NECAB2: variants seen among roughly 807,000 people sequenced by gnomAD.
NECAB2 encodes N-terminal EF-hand calcium binding protein 2.
In NECAB2, 68 loss-of-function variants were observed where a neutral mutation model predicts 51.9. The ratio of observed to expected loss-of-function variants is 1.31; its 90% CI spans 1.08 to 1.60. NECAB2 has a LOEUF of 1.60. NECAB2 is among the 40% of genes most tolerant of loss of function. The pLI is 0.00. For synonymous variants in NECAB2, 329 were observed against 203.5 expected (o/e 1.62, Z -5.25); for missense variants, 854 against 490.3 (o/e 1.74, Z -7.00).
At position 84,001,741 on chromosome 16, in the gene NECAB2, G is replaced by C. The variant is rs1489857332; in HGVS notation, c.1041-84G>C. 2.8e-6 allele frequency: 4 copies of C among 1,435,554 alleles called. No individual in the cohort carries two copies. In the African/African-American group the frequency reaches 5.8e-5, roughly 21 times the overall value. 88.9% of individuals were successfully genotyped at this position (1,435,554 alleles called of 1,614,324 possible). On this transcript the variant is annotated intron_variant, in intron 11 of 12. Coordinates refer to ENST00000305202, the MANE Select transcript of NECAB2 (RefSeq NM_019065.3). ...TGCTTATTGATAAGCTCCCCATTTT[G>C]GGCTAGAGCTAGGATTAACAGGGGA...
rs534290310 is a variant in NECAB2, at chr16:83,993,482, CTG to C, written c.597-814_597-813del. On this transcript the variant is annotated intron_variant, in intron 6 of 12. Transcript: ENST00000305202. ...GTGTTGGGGCCGTGCACAGGGCACT[CTG>C]TGTGTCTTCTGGGGGAGTGTCTGTG... The C allele has an allele frequency of 5.6e-4, 87 of 154,300 alleles. 3 individuals carry two copies. In the South Asian group the frequency reaches 0.015, roughly 27 times the overall value. 9.6% of individuals were successfully genotyped at this position (154,300 alleles called of 1,614,324 possible).
chr16:83,981,181 C>T, intron 5 of NECAB2, 54 bp downstream of exon 5: 1 of 1,331,352 alleles, frequency 7.5e-7, no homozygotes, highest in Non-Finnish European at 1.0e-6. Context: ...TGCTTCAGTT[C>T]CACCCTTGCC....
chr16:83,969,978 C>G (rs543599343), intron 1 of NECAB2, among the ~76,000 whole-genome samples: 5 of 152,172 alleles, frequency 3.3e-5, no homozygotes, highest in African/African-American at 9.7e-5. Flanking sequence ...GTGCCACACT[C>G]GCAGGCACAC....
intron 8 of NECAB2, among the ~76,000 whole-genome samples, chr16:83,995,818 T>C (rs2084690233): frequency 6.6e-6 from 1 of 152,186 alleles, no homozygotes; most frequent in Admixed American, 6.5e-5. Context: ...GGGATGAGGC[T>C]GAGGTGGAGT....
At chr16:84,000,652 C>T (rs1489551715) in intron 10 of NECAB2, 72 bp from the exon 11 acceptor site, 69 of 1,393,212 alleles carry the variant, frequency 5.0e-5, no homozygotes, top group Non-Finnish European at 6.6e-5. Flanking sequence ...TCTCAGGCCA[C>T]CCCAGGGGAA....
chr16:83,986,059 C>T (rs1419815044), intron 5 of NECAB2, among the ~76,000 whole-genome samples: 3 of 152,098 alleles, frequency 2.0e-5, no homozygotes, highest in Non-Finnish European at 4.4e-5. Context: ...TTTCGTTGCC[C>T]AGGCCAGAGT....
At position 83,995,688 on chromosome 16, in the gene NECAB2, T is replaced by C. The variant is rs2084688100; in HGVS notation, c.795+1000T>C. Among the ~76,000 whole-genome samples, 3 of 152,110 alleles carry C rather than the reference T, an allele frequency of 2.0e-5. No individual in the cohort carries two copies. In the South Asian group the frequency reaches 6.2e-4, roughly 32 times the overall value. ...CCCTTTGTAAAGGGTATTGCTACTTTTAGTTTGGGGGTTCTCAGGCATTCA... is the reference window on the plus strand; with the variant it reads ...CCCTTTGTAAAGGGTATTGCTACTTCTAGTTTGGGGGTTCTCAGGCATTCA... On this transcript the variant is annotated intron_variant, in intron 8 of 12. Coordinates refer to ENST00000305202, the MANE Select transcript of NECAB2 (RefSeq NM_019065.3).
intron 5 of NECAB2, among the ~76,000 whole-genome samples, chr16:83,986,919 T>G (rs1358415261): frequency 6.6e-6 from 1 of 152,104 alleles, no homozygotes; most frequent in Non-Finnish European, 1.5e-5. Flanking sequence ...GTTGAAACAT[T>G]ACCTCGTAGG....
At chr16:83,995,535 G>A (rs1342329445) in intron 8 of NECAB2, among the ~76,000 whole-genome samples, 2 of 152,162 alleles carry the variant, frequency 1.3e-5, no homozygotes, top group Non-Finnish European at 2.9e-5. Context: ...GAGGCATTCT[G>A]TTACCCAAAC....
chr16:83,966,417 A>AT (rs2084281437), upstream of NECAB2: 1 of 207,898 alleles, frequency 4.8e-6, no homozygotes, highest in Non-Finnish European at 9.7e-6. Context: ...AGGAAAGGGG[A>AT]TTGTGGGAGG....
chr16:83,984,239 T>C (rs898224331), intron 5 of NECAB2, among the ~76,000 whole-genome samples: 4 of 151,712 alleles, frequency 2.6e-5, no homozygotes, highest in South Asian at 2.1e-4. Context: ...TCGTGATCTG[T>C]CCTCCTCGGC....
intron 1 of NECAB2, 118 bp from the exon 2 acceptor site, chr16:83,972,033 T>A: frequency 7.2e-7 from 1 of 1,396,394 alleles, no homozygotes; most frequent in Non-Finnish European, 9.9e-7. Context: ...GGGGCTCAGC[T>A]TCCCAGGACC....
chr16:83,999,520 A>C (rs74338307), intron 10 of NECAB2, among the ~76,000 whole-genome samples: 13,245 of 151,702 alleles, frequency 0.087, 1,211 homozygotes, highest in African/African-American at 0.22. Context: ...AGGTGTGTCC[A>C]CCCCAAGATG....
At chr16:83,985,401 G>C (rs566026488) in intron 5 of NECAB2, among the ~76,000 whole-genome samples, 1 of 148,240 alleles carries the variant, frequency 6.7e-6, no homozygotes, top group Non-Finnish European at 1.5e-5. Context: ...TTGGGAGGCC[G>C]AGGCAGATAG....
upstream of NECAB2, chr16:83,965,534 G>A (rs777210048): frequency 1.3e-5 from 21 of 1,612,624 alleles, no homozygotes; most frequent in Middle Eastern, 1.6e-4. Context: ...GGCCGTGGAC[G>A]ACCCTGGCCT....
chr16:83,991,491 C>G (rs1471094574), intron 6 of NECAB2, among the ~76,000 whole-genome samples: 1 of 150,910 alleles, frequency 6.6e-6, no homozygotes, highest in Non-Finnish European at 1.5e-5. Context: ...CTCAGCCTCC[C>G]TAGTAGCTGG....
At chr16:83,986,857 A>G (rs993753757) in intron 5 of NECAB2, among the ~76,000 whole-genome samples, 7 of 152,144 alleles carry the variant, frequency 4.6e-5, no homozygotes, top group East Asian at 3.9e-4. Flanking sequence ...TAAATGGTCT[A>G]TATCCACAGA....
chr16:83,965,672 C>T, upstream of NECAB2: 3 of 1,613,572 alleles, frequency 1.9e-6, no homozygotes, highest in Non-Finnish European at 2.5e-6. Flanking sequence ...GCACCAGCTG[C>T]TGTGCTTCAA....
At chr16:83,980,538 C>T (rs2084472809) in intron 3 of NECAB2, among the ~76,000 whole-genome samples, 1 of 152,150 alleles carries the variant, frequency 6.6e-6, no homozygotes, top group Admixed American at 6.5e-5. Context: ...CTCTCTGTCC[C>T]TTTACCCCTT....
Sources: gnomAD v4.1 joint callset for allele counts (sites outside exome capture counted in the v4.1 genomes callset) on GRCh38, gnomAD v4.1.1 for gene constraint, MANE v1.5 for transcripts, NCBI Gene and HGNC (gene_info 2026-07-23, HGNC 2026-07-21) for gene names.